Variants in ENTREP2 observed in about 807,000 individuals in gnomAD.
ENTREP2 encodes the protein endosomal transmembrane epsin interactor 2.
the ENTREP2 span, among the ~76,000 whole-genome samples, chr15:29,664,954 C>G: frequency 6.6e-6 from 1 of 152,184 alleles, no homozygotes; most frequent in African/African-American, 2.4e-5. Flanking sequence ...TCTGGAGTGG[C>G]TATTTCAAGT....
chr15:29,159,077 G>A, the ENTREP2 span, among the ~76,000 whole-genome samples: 2 of 152,148 alleles, frequency 1.3e-5, no homozygotes, highest in Non-Finnish European at 2.9e-5. Flanking sequence ...GTGGGTTATT[G>A]GTCTCACTGA....
chr15:29,532,209 A>T, the ENTREP2 span, among the ~76,000 whole-genome samples: 1 of 152,198 alleles, frequency 6.6e-6, no homozygotes, highest in African/African-American at 2.4e-5. Flanking sequence ...CTAAACTGTG[A>T]CCTAGAGAAA....
the ENTREP2 span, among the ~76,000 whole-genome samples, chr15:29,650,227 A>G: frequency 2.1e-3 from 319 of 152,258 alleles, no homozygotes; most frequent in Non-Finnish European, 3.5e-3. Flanking sequence ...GAAGCCAATC[A>G]TACTCACTAA....
the ENTREP2 span, among the ~76,000 whole-genome samples, chr15:29,282,965 T>C: frequency 0.085 from 12,989 of 152,084 alleles, 1,896 homozygotes; most frequent in African/African-American, 0.3. Flanking sequence ...TGTCCAGAGG[T>C]TGACCCACTG....
At chr15:29,646,993 G>A in the ENTREP2 span, among the ~76,000 whole-genome samples, 3 of 152,266 alleles carry the variant, frequency 2.0e-5, no homozygotes, top group South Asian at 4.1e-4. Flanking sequence ...TTTCTCCTCC[G>A]TGGTTTCATG....
chr15:29,299,415 A>G, the ENTREP2 span, among the ~76,000 whole-genome samples: 1 of 152,070 alleles, frequency 6.6e-6, no homozygotes, highest in African/African-American at 2.4e-5. Flanking sequence ...CCTTTTACCT[A>G]CCACTCAGCC....
At chr15:29,119,053 C>G in the ENTREP2 span, among the ~76,000 whole-genome samples, 1 of 152,144 alleles carries the variant, frequency 6.6e-6, no homozygotes, top group South Asian at 2.1e-4. Flanking sequence ...TCTCACCTAG[C>G]CGCCCAGAGG....
chr15:29,146,874 G>A, the ENTREP2 span, among the ~76,000 whole-genome samples: 10 of 152,044 alleles, frequency 6.6e-5, no homozygotes, highest in Non-Finnish European at 1.0e-4. Flanking sequence ...GGCAGAGGTT[G>A]TGGTGAGCCG....
chr15:29,619,225 T>C, the ENTREP2 span, among the ~76,000 whole-genome samples: 2 of 152,052 alleles, frequency 1.3e-5, no homozygotes, highest in Non-Finnish European at 2.9e-5. Flanking sequence ...ACCCCATCTC[T>C]ACTAAAAATA....
the ENTREP2 span, among the ~76,000 whole-genome samples, chr15:29,156,441 G>C: frequency 1.3e-5 from 2 of 152,046 alleles, no homozygotes; most frequent in Non-Finnish European, 2.9e-5. Context: ...ACCCTCCTCG[G>C]CCTCCCAAAG....
At chr15:29,231,885 C>CTTTTTTTTTTTTTTTTTTTTTTTTTTT in the ENTREP2 span, among the ~76,000 whole-genome samples, 7 of 129,952 alleles carry the variant, frequency 5.4e-5, 3 homozygotes, top group Non-Finnish European at 7.9e-5. Context: ...GTTTTCTTTT[C>CTTTTTTTTTTTTTTTTTTTTTTTTTTT]TTTTCTTTCT....
At chr15:29,423,893 A>G in the ENTREP2 span, among the ~76,000 whole-genome samples, 3 of 152,184 alleles carry the variant, frequency 2.0e-5, no homozygotes, top group African/African-American at 2.4e-5. Context: ...CCATCCTCCA[A>G]TGATGTACAT....
At chr15:29,438,189 C>A in the ENTREP2 span, among the ~76,000 whole-genome samples, 1 of 152,182 alleles carries the variant, frequency 6.6e-6, no homozygotes, top group Non-Finnish European at 1.5e-5. Flanking sequence ...AGTTCTGAGA[C>A]TGGGATGGAG....
At chr15:29,354,857 G>A in the ENTREP2 span, among the ~76,000 whole-genome samples, 1 of 152,168 alleles carries the variant, frequency 6.6e-6, no homozygotes, top group African/African-American at 2.4e-5. Flanking sequence ...TTTCTGTAGA[G>A]CAGTATTTTA....
chr15:29,214,737 A>C, the ENTREP2 span, among the ~76,000 whole-genome samples: 1 of 151,944 alleles, frequency 6.6e-6, no homozygotes, highest in African/African-American at 2.4e-5. Flanking sequence ...TTTAATTTCC[A>C]TGTATTTGCA....
At chr15:29,657,048 T>TA in the ENTREP2 span, among the ~76,000 whole-genome samples, 1 of 152,102 alleles carries the variant, frequency 6.6e-6, no homozygotes, top group Non-Finnish European at 1.5e-5. Flanking sequence ...TGGTGAGTGT[T>TA]ACAGCTCTTT....
chr15:29,567,461 C>A, the ENTREP2 span, among the ~76,000 whole-genome samples: 3 of 152,192 alleles, frequency 2.0e-5, no homozygotes. Flanking sequence ...AGTTTGGCCT[C>A]TAAAAAGTCA....
At chr15:29,402,292 T>TTGTGTGTGTG in the ENTREP2 span, among the ~76,000 whole-genome samples, 13,532 of 129,272 alleles carry the variant, frequency 0.1, 931 homozygotes, top group Middle Eastern at 0.2. Context: ...GTATATTGTA[T>TTGTGTGTGTG]TGTGTGTGTG....
At chr15:29,235,016 A>C in the ENTREP2 span, 2 of 1,249,786 alleles carry the variant, frequency 1.6e-6, no homozygotes, top group Middle Eastern at 1.9e-4. Flanking sequence ...TTGAAGTTTC[A>C]ATCTTTAGAT....
Sources: gnomAD v4.1 joint callset for allele counts (sites outside exome capture counted in the v4.1 genomes callset) on GRCh38, gnomAD v4.1.1 for gene constraint, MANE v1.5 for transcripts, NCBI Gene and HGNC (gene_info 2026-07-23, HGNC 2026-07-21) for gene names.